EFL1: variants seen among roughly 807,000 people sequenced by gnomAD.
EFL1 encodes elongation factor-like GTPase 1.
EFL1 carries 76 observed loss-of-function variants against 126.7 expected under a neutral mutation model. That is an observed-to-expected ratio of 0.60 (90% CI 0.50 to 0.73). EFL1 has a LOEUF of 0.73. Ranked by LOEUF, EFL1 falls within the 30% of genes least tolerant of loss-of-function variation. The probability of loss-of-function intolerance (pLI) is 0.00; values close to 1 mark genes in which losing one functional copy is unlikely to be tolerated. For missense variants in EFL1, 1,128 were observed against 1,343.2 expected (o/e 0.84, Z 2.50); for synonymous variants, 410 against 448.4 (o/e 0.91, Z 1.08).
At chr15:82,258,723 A>G (rs1399358103) in intron 3 of EFL1, among the ~76,000 whole-genome samples, 1 of 152,198 alleles carries the variant, frequency 6.6e-6, no homozygotes, top group African/African-American at 2.4e-5. Context: ...AATAGAGCAC[A>G]ACACACAAAT....
chr15:82,243,655 G>A (rs1466303857), intron 4 of EFL1, among the ~76,000 whole-genome samples: 2 of 113,202 alleles, frequency 1.8e-5, no homozygotes, highest in Non-Finnish European at 3.6e-5. Flanking sequence ...AAATGCACTC[G>A]TACAGACATT....
chr15:82,170,813 C>T (rs1286438592), intron 15 of EFL1, among the ~76,000 whole-genome samples: 1 of 152,110 alleles, frequency 6.6e-6, no homozygotes, highest in Non-Finnish European at 1.5e-5. Flanking sequence ...GTTTTGTATC[C>T]TGTCCCATTT....
intron 15 of EFL1, among the ~76,000 whole-genome samples, chr15:82,208,838 C>T (rs555614723): frequency 4.6e-5 from 7 of 151,866 alleles, no homozygotes; most frequent in African/African-American, 1.7e-4. Flanking sequence ...CACCATGAAT[C>T]GACAGGCATC....
chr15:82,144,224 C>T (rs530162369), intron 18 of EFL1, among the ~76,000 whole-genome samples: 1 of 150,766 alleles, frequency 6.6e-6, no homozygotes, highest in African/African-American at 2.4e-5. Context: ...CCACTGTACT[C>T]CAGCCTGGGT....
At chr15:82,178,772 C>A (rs2074219621) in intron 15 of EFL1, among the ~76,000 whole-genome samples, 1 of 152,154 alleles carries the variant, frequency 6.6e-6, no homozygotes, top group Admixed American at 6.5e-5. Context: ...CATGCCCCTC[C>A]TCTGAACCCT....
intron 4 of EFL1, among the ~76,000 whole-genome samples, chr15:82,246,963 C>T (rs1449930901): frequency 3.9e-5 from 6 of 152,096 alleles, no homozygotes; most frequent in South Asian, 2.1e-4. Context: ...AGGATGAAGA[C>T]GTGTAGAGAA....
At chr15:82,210,723 G>A (rs569065546) in intron 15 of EFL1, among the ~76,000 whole-genome samples, 12 of 152,028 alleles carry the variant, frequency 7.9e-5, no homozygotes, top group African/African-American at 2.9e-4. Flanking sequence ...TTAGCCTGGC[G>A]TGATGGTGGT....
intron 15 of EFL1, among the ~76,000 whole-genome samples, chr15:82,173,245 G>C (rs1370548388): frequency 6.6e-6 from 1 of 151,934 alleles, no homozygotes; most frequent in Non-Finnish European, 1.5e-5. Context: ...TGTTACAGAA[G>C]GTCATGAACA....
intron 7 of EFL1, chr15:82,233,622 T>A (rs557878256): frequency 2.1e-4 from 32 of 152,222 alleles, no homozygotes; most frequent in Non-Finnish European, 4.4e-4. Context: ...GAGGACTCAG[T>A]TCTATGTATC....
At position 82,230,856 on chromosome 15, in the gene EFL1, C is replaced by A. The variant is rs2074814320; in HGVS notation, c.847G>T (p.Gly283Cys). 6.2e-7 allele frequency: 1 copy of A among 1,610,606 alleles called. No homozygotes were observed. Among genetic ancestry groups the A allele is most frequent in the Non-Finnish European group, 8.5e-7 (1 of 1,178,476 alleles). Residue 283 changes from glycine (G) to cysteine (C), a missense_variant, in exon 8 of 20, where the codon GGT becomes TGT. Around this residue, in one of 6 missense-constraint regions of EFL1, gnomAD observed 316 missense variants for 318.5 expected, o/e 0.99. Transcript: ENST00000268206. ...INMKAKKIMK[G>C]DQAKGKKPLF... ...GACATATACCACATTACCTGATCAC[C>A]CTTCATGATCTTTTTAGCCTTCATA... is the stretch of plus-strand genomic sequence containing the variant.
intron 6 of EFL1, 115 bp from the exon 7 acceptor site, chr15:82,238,636 T>C: frequency 1.2e-6 from 1 of 838,372 alleles, no homozygotes; most frequent in Non-Finnish European, 1.9e-6. Context: ...TTGGGCTCAT[T>C]AAGCATACAT....
At position 82,261,680 on chromosome 15, in the gene EFL1, A is replaced by C. The variant is rs762098003; in HGVS notation, c.91+8T>G. 1.2e-6 allele frequency: 2 copies of C among 1,613,110 alleles called. No homozygotes were observed. The highest frequency in any genetic ancestry group is 3.3e-5 in the Admixed American group (2 of 59,858). On this transcript the variant is annotated splice_region_variant and intron_variant, in intron 2 of 19. Transcript: ENST00000268206. ...TATCAAAATAAGCCATTTAAAAAGT[A>C]TTCTTACCATGGTCAACATGAGCCA...
chr15:82,195,419 C>T (rs1327726114), intron 15 of EFL1, among the ~76,000 whole-genome samples: 4 of 152,172 alleles, frequency 2.6e-5, no homozygotes, highest in Admixed American at 2.6e-4. Context: ...AAAACACACA[C>T]CCAACCTCGT....
chr15:82,226,925 G>A (rs572882317), intron 11 of EFL1, among the ~76,000 whole-genome samples: 1 of 152,274 alleles, frequency 6.6e-6, no homozygotes, highest in East Asian at 1.9e-4. Context: ...TGAAAGCAAT[G>A]GAAGCCTAAA....
chr15:82,202,814 A>ATTTTT (rs113767734), intron 15 of EFL1, among the ~76,000 whole-genome samples: 5 of 145,642 alleles, frequency 3.4e-5, no homozygotes, highest in Non-Finnish European at 7.5e-5. Flanking sequence ...GTGTTCCCTA[A>ATTTTT]TTTTTTTTTT....
intron 15 of EFL1, among the ~76,000 whole-genome samples, chr15:82,190,092 C>CA (rs1403079714): frequency 6.8e-6 from 1 of 146,116 alleles, no homozygotes; most frequent in Non-Finnish European, 1.5e-5. Flanking sequence ...GCCTGGGCAA[C>CA]AGAGTGAGAC....
chr15:82,231,283 T>G lies in EFL1; in HGVS notation c.732-312A>C, dbSNP rs147501553. On this transcript the variant is annotated intron_variant, in intron 7 of 19. Transcript: ENST00000268206. ...CAAGATAAAATTAGGGACAAGAAAATGCAAGCTCCAGCTGCCTGTCACAAC... is the reference window on the plus strand; with the variant it reads ...CAAGATAAAATTAGGGACAAGAAAAGGCAAGCTCCAGCTGCCTGTCACAAC... 2.8e-4 allele frequency among the ~76,000 whole-genome samples: 42 copies of G among 152,240 alleles called. No individual in the cohort carries two copies. The East Asian group carries it at 7.5e-3, about 27-fold the overall frequency.
At chr15:82,149,661 A>C (rs1285201134) in intron 18 of EFL1, among the ~76,000 whole-genome samples, 2 of 152,198 alleles carry the variant, frequency 1.3e-5, no homozygotes, top group Non-Finnish European at 2.9e-5. Context: ...TAACAGAAAA[A>C]CAGGTGAAGG....
chr15:82,256,363 C>T (rs1478424158), intron 3 of EFL1, among the ~76,000 whole-genome samples: 1 of 152,228 alleles, frequency 6.6e-6, no homozygotes, highest in Non-Finnish European at 1.5e-5. Flanking sequence ...TTCTTTTCAA[C>T]AGTTTTCGTA....
Sources: allele counts gnomAD v4.1 joint callset (sites outside exome capture counted in the v4.1 genomes callset), GRCh38; gene constraint gnomAD v4.1.1; regional missense constraint gnomAD v4.1.1; transcripts MANE v1.5; gene names NCBI Gene and HGNC (gene_info 2026-07-23, HGNC 2026-07-21).